The following CNOT9 variants were observed in gnomAD, a reference collection of about 807,000 sequenced individuals.
CNOT9 encodes RCD1 required for cell differentiation1 homolog.
In CNOT9, 8 loss-of-function variants were observed where a neutral mutation model predicts 37.4. The ratio of observed to expected loss-of-function variants is 0.21; its 90% confidence interval spans 0.13 to 0.39. CNOT9 has a LOEUF of 0.39. Among genes scored for constraint, CNOT9 ranks in the 10% least tolerant of loss-of-function variants. The pLI is 1.00. For synonymous variants in CNOT9, 120 were observed against 137.6 expected, an observed-to-expected ratio of 0.87 and a Z score of 0.90; for missense variants, 154 against 365.3, an observed-to-expected ratio of 0.42 and a Z score of 4.71.
At chr2:218,584,484 T>G (rs1694524354) in intron 3 of CNOT9, 128 bp from the exon 4 acceptor site, 4 of 756,702 alleles carry the variant, frequency 5.3e-6, no homozygotes, top group Non-Finnish European at 7.1e-6. Context: ...CCAGTAACAT[T>G]GTTTTCCTAA....
chr2:218,572,408 C>CTTTGGGAATTTAATTCCCAAA (rs1458092675), intron 1 of CNOT9, among the ~76,000 whole-genome samples: 1 of 151,430 alleles, frequency 6.6e-6, no homozygotes, highest in Non-Finnish European at 1.5e-5. Flanking sequence ...CAGACTTCAG[C>CTTTGGGAATTTAATTCCCAAA]TTTGGGAATT....
chr2:218,574,798 T>C (rs933819846), intron 1 of CNOT9, among the ~76,000 whole-genome samples: 1 of 152,222 alleles, frequency 6.6e-6, no homozygotes, highest in Admixed American at 6.5e-5. Flanking sequence ...AGTATGGGGT[T>C]TACTGAAAAG....
At chr2:218,593,626 C>T in intron 7 of CNOT9, 1 of 1,425,194 alleles carries the variant, frequency 7.0e-7, no homozygotes, top group Non-Finnish European at 9.3e-7. Context: ...GTTTTCACTG[C>T]TCATCTCTTA....
chr2:218,591,134 T>G (rs1694760271), intron 5 of CNOT9, among the ~76,000 whole-genome samples: 1 of 152,198 alleles, frequency 6.6e-6, no homozygotes, highest in Non-Finnish European at 1.5e-5. Context: ...TTGCAGAGTT[T>G]GGTGATTAGG....
intron 1 of CNOT9, among the ~76,000 whole-genome samples, chr2:218,574,945 G>A (rs1235401621): frequency 3.3e-5 from 5 of 151,882 alleles, no homozygotes; most frequent in African/African-American, 4.8e-5. Flanking sequence ...CAAATTATAC[G>A]TCAAAGTTTT....
chr2:218,581,066 C>T (rs1485328736), intron 2 of CNOT9: 1 of 487,842 alleles, frequency 2.0e-6, no homozygotes, highest in Non-Finnish European at 4.0e-6. Context: ...TAAGATAAAT[C>T]TACATGACAG....
chr2:218,587,573 T>G lies in CNOT9; in HGVS notation c.431-13T>G, dbSNP rs368308716. 10 of 1,570,634 alleles carry G rather than the reference T, an allele frequency of 6.4e-6. No individual in the cohort carries two copies. The highest frequency in any genetic ancestry group is 2.7e-5 in the African/African-American group (2 of 73,220). ...AACTGTAAAATAATTTTGTTTGTCC[T>G]TATTTTCTTTAGGGGCCCTGGTGAA... is the stretch of plus-strand genomic sequence containing the variant. On this transcript the variant is annotated splice_polypyrimidine_tract_variant and intron_variant, in intron 4 of 7. Coordinates refer to ENST00000273064, the MANE Select transcript of CNOT9 (RefSeq NM_005444.3).
chr2:218,574,943 A>G (rs1694114713), intron 1 of CNOT9, among the ~76,000 whole-genome samples: 1 of 152,140 alleles, frequency 6.6e-6, no homozygotes, highest in Non-Finnish European at 1.5e-5. Context: ...TGCAAATTAT[A>G]CGTCAAAGTT....
At position 218,580,977 on chromosome 2, in the gene CNOT9, C is replaced by T. The variant is rs558244425; in HGVS notation, c.204+237C>T. The T allele has an allele frequency of 1.7e-3, 1,013 of 599,914 alleles. 9 individuals are homozygous for T. Among genetic ancestry groups the T allele is most frequent in the Non-Finnish European group, 2.7e-3 (851 of 321,040 alleles). 37.2% of individuals were successfully genotyped at this position (599,914 alleles called of 1,614,324 possible). A position where few individuals can be genotyped will look rare whatever the true frequency, so the allele number is the denominator to read the frequency against. ...GCCCTATAATCTATATTTTAATAAG[C>T]ACTTTCACCTCCCCCAGGTGATTGT... On this transcript the variant is annotated intron_variant, in intron 2 of 7. Coordinates refer to ENST00000273064, the MANE Select transcript of CNOT9 (RefSeq NM_005444.3).
intron 1 of CNOT9, among the ~76,000 whole-genome samples, chr2:218,576,204 A>T (rs1260918394): frequency 6.6e-6 from 1 of 152,228 alleles, no homozygotes; most frequent in African/African-American, 2.4e-5. Flanking sequence ...CTCTTGGGAT[A>T]TGGAAGGAGA....
At chr2:218,586,688 G>A (rs993552581) in intron 4 of CNOT9, among the ~76,000 whole-genome samples, 105 of 151,966 alleles carry the variant, frequency 6.9e-4, no homozygotes, top group African/African-American at 2.1e-3. Flanking sequence ...AGGGTTTCAC[G>A]ATGTTGGCCA....
chr2:218,582,050 C>T (rs1694404422), intron 2 of CNOT9, among the ~76,000 whole-genome samples: 1 of 151,766 alleles, frequency 6.6e-6, no homozygotes, highest in Non-Finnish European at 1.5e-5. Context: ...CCACTGCACT[C>T]TGCCTGGATG....
intron 1 of CNOT9, among the ~76,000 whole-genome samples, chr2:218,577,259 G>A (rs2106082687): frequency 6.6e-6 from 1 of 152,220 alleles, no homozygotes; most frequent in East Asian, 1.9e-4. Flanking sequence ...TGACAGGTGG[G>A]TATTCAGTTG....
intron 4 of CNOT9, among the ~76,000 whole-genome samples, chr2:218,586,818 A>C (rs1229523488): frequency 6.6e-6 from 1 of 152,122 alleles, no homozygotes; most frequent in African/African-American, 2.4e-5. Flanking sequence ...TGCTAGAACT[A>C]TGAGACAATA....
rs1694863068 is a variant in CNOT9 at position 218,594,157 on chromosome 2, A to G, written c.781A>G (p.Thr261Ala). ...CCTCCCTGACCAGCTGAAAGACACA[A>G]CCTTCGCCCAGGTGCTAAAAGATGA... is the stretch of plus-strand genomic sequence containing the variant. Reference protein sequence around the residue: ...QCLPDQLKDTTFAQVLKDDTT... With the variant: ...QCLPDQLKDTAFAQVLKDDTT... Residue 261 changes from threonine to alanine, a missense_variant, in exon 8 of 8, where the codon ACC becomes GCC. Physicochemically the swap from Thr to Ala is moderately conservative, Grantham distance 58 (BLOSUM62 0). Coordinates refer to ENST00000273064, the MANE Select transcript of CNOT9 (RefSeq NM_005444.3). The G allele has an allele frequency of 3.1e-6, 5 of 1,614,048 alleles. No individual in the cohort carries two copies. The highest frequency in any genetic ancestry group is 4.2e-6 in the Non-Finnish European group (5 of 1,180,024).
chr2:218,569,030 G>C, intron 1 of CNOT9, 52 bp downstream of exon 1: 1 of 1,601,162 alleles, frequency 6.2e-7, no homozygotes, highest in Non-Finnish European at 8.5e-7. Flanking sequence ...TCAGACCCAC[G>C]TTTCGGCCTT....
chr2:218,572,616 GTGAGACCC>G (rs1574983456), intron 1 of CNOT9: 3 of 891,720 alleles, frequency 3.4e-6, no homozygotes, highest in Admixed American at 1.2e-4. Context: ...AGGCGACATA[GTGAGACCC>G]TGTCTCAAAG....
intron 1 of CNOT9, among the ~76,000 whole-genome samples, chr2:218,576,283 A>G (rs1185387677): frequency 6.6e-6 from 1 of 152,248 alleles, no homozygotes; most frequent in African/African-American, 2.4e-5. Context: ...TCATCTGGTT[A>G]TATAAATTAA....
In CNOT9 at chr2:218,592,410, C is replaced by G. The variant is rs1049712531; in HGVS notation, c.639+8C>G. On this transcript the variant is annotated splice_region_variant and intron_variant, in intron 6 of 7. Transcript: ENST00000273064. The surrounding 1 kb of genome is among the most constrained non-coding windows in gnomAD (Gnocchi z 4.1). ...CATGTTGCCATGATCTTGGTGAGTTCTTTCATCTATCCCCTTTACAACTAC... is the reference window on the plus strand; with the variant it reads ...CATGTTGCCATGATCTTGGTGAGTTGTTTCATCTATCCCCTTTACAACTAC... The G allele has an allele frequency of 6.2e-7, 1 of 1,604,664 alleles. No homozygotes were observed. Among genetic ancestry groups the G allele is most frequent in the East Asian group, 2.2e-5 (1 of 44,818 alleles).
Sources: allele counts gnomAD v4.1 joint callset (sites outside exome capture counted in the v4.1 genomes callset), GRCh38; gene constraint gnomAD v4.1.1; non-coding constraint Gnocchi (gnomAD v3.1); transcripts MANE v1.5; gene names NCBI Gene and HGNC (gene_info 2026-07-23, HGNC 2026-07-21).